The following ANKRD30A variants were observed in gnomAD, a reference collection of about 807,000 sequenced individuals.
ANKRD30A encodes the protein ankyrin repeat domain 30A.
ANKRD30A carries 170 observed loss-of-function variants against 166.3 expected under a neutral mutation model. That is an observed-to-expected ratio of 1.02 (90% CI 0.90 to 1.16). ANKRD30A has a LOEUF of 1.16. Ranked by LOEUF, ANKRD30A falls within the 50% of genes most tolerant of loss-of-function variation. The pLI, the probability that ANKRD30A is intolerant of heterozygous loss-of-function variation, is 0.00. For missense variants in ANKRD30A, 1,630 were observed against 1,518.0 expected (o/e 1.07, Z -1.23); for synonymous variants, 564 against 508.9 (o/e 1.11, Z -1.46).
chr10:37,208,027 G>GT (rs1842083453), intron 31 of ANKRD30A, among the ~76,000 whole-genome samples: 1 of 152,024 alleles, frequency 6.6e-6, no homozygotes, highest in Non-Finnish European at 1.5e-5. Flanking sequence ...GACATAGTGT[G>GT]TTTTTTGTGG....
rs1395589192 is a variant in ANKRD30A at position 37,193,076 on chromosome 10, A to G, written c.2525A>G (p.Asn842Ser). ...CCTTTTCTTTTAGAGTCTCCTGATAATGATGGTTTTCTGAAGGTAATAACT... is the reference window on the plus strand; with the variant it reads ...CCTTTTCTTTTAGAGTCTCCTGATAGTGATGGTTTTCTGAAGGTAATAACT... ...INGKLEESPDNDGFLKAPCRM... is the reference protein window; with the variant it reads ...INGKLEESPDSDGFLKAPCRM... The change falls in exon 26 of 36, where the codon AAT becomes AGT. Residue 842 changes from asparagine to serine, a missense_variant. By Grantham distance (46) the Asn-to-Ser change is conservative (BLOSUM62 1). Transcript: ENST00000361713. The G allele has an allele frequency of 2.5e-6, 4 of 1,610,056 alleles. No individual in the cohort carries two copies. The highest frequency in any genetic ancestry group is 2.2e-5 in the East Asian group (1 of 44,754).
At chr10:37,141,228 C>G (rs1399623368) in intron 6 of ANKRD30A, among the ~76,000 whole-genome samples, 1 of 151,964 alleles carries the variant, frequency 6.6e-6, no homozygotes, top group Admixed American at 6.6e-5. Context: ...TTACTGTATT[C>G]AGCATGTGTC....
intron 27 of ANKRD30A, among the ~76,000 whole-genome samples, chr10:37,194,447 T>TC (rs139922054): frequency 0.02 from 3,062 of 150,098 alleles, 95 homozygotes; most frequent in African/African-American, 0.07. Flanking sequence ...TTCACGCCAT[T>TC]CTCCTGCCTC....
chr10:37,243,920 T>C, the ANKRD30A span, among the ~76,000 whole-genome samples: 1 of 151,898 alleles, frequency 6.6e-6, no homozygotes, highest in Non-Finnish European at 1.5e-5. Flanking sequence ...AGATTGCAGA[T>C]TGTAAGGAGC....
chr10:37,125,822 T>C lies in ANKRD30A; in HGVS notation c.35T>C (p.Val12Ala), dbSNP rs1217791483. The change falls in exon 1 of 36, where the codon GTG (valine) becomes GCG (alanine). Residue 12 changes from valine (V) to alanine (A), a missense_variant. Physicochemically the swap from Val to Ala is moderately conservative, Grantham distance 64 (BLOSUM62 0). Around this residue, in one of 4 missense-constraint regions of ANKRD30A, gnomAD observed 904 missense variants for 818.5 expected, o/e 1.10. Coordinates refer to ENST00000361713, the MANE Select transcript of ANKRD30A (RefSeq NM_052997.3). The stretch of plus-strand genomic sequence containing the variant: ...ATCTCTGCCGCCGCTGTCAAGGTCG[T>C]GCCGGGCCCGGAGCGCCCGAGCCCT... ...EEISAAAVKVVPGPERPSPFS... is the reference protein window; with the variant it reads ...EEISAAAVKVAPGPERPSPFS... The C allele has an allele frequency of 2.3e-6, 2 of 866,598 alleles. No homozygotes were observed. Among genetic ancestry groups the C allele is most frequent in the Non-Finnish European group, 1.8e-6 (1 of 547,352 alleles). 53.7% of individuals were successfully genotyped at this position (866,598 alleles called of 1,614,324 possible).
intron 27 of ANKRD30A, among the ~76,000 whole-genome samples, chr10:37,196,097 T>TC (rs1554823865): frequency 7.5e-6 from 1 of 132,686 alleles, no homozygotes; most frequent in African/African-American, 2.6e-5. Flanking sequence ...TTTTCTATTT[T>TC]TTTTTTTTTT....
In ANKRD30A at chr10:37,152,087, A is replaced by T. The variant is rs753764850; in HGVS notation, c.1673A>T (p.Gln558Leu). The change falls in exon 12 of 36, where the codon CAA becomes CTA. Residue 558 changes from glutamine (Q) to leucine (L), a missense_variant. Gln to Leu is a moderately radical substitution (Grantham distance 113, BLOSUM62 -2). Around this residue, in one of 4 missense-constraint regions of ANKRD30A, gnomAD observed 904 missense variants for 818.5 expected, o/e 1.10. Coordinates refer to ENST00000361713, the MANE Select transcript of ANKRD30A (RefSeq NM_052997.3). ...ADPMFPPESK[Q>L]KDYEENSWDS... Reference sequence around the variant, plus strand: ...CCGATGTTCCCACCAGAATCCAAACAAAAGGACTATGAAGAAAATTCTTGG... The same window carrying T: ...CCGATGTTCCCACCAGAATCCAAACTAAAGGACTATGAAGAAAATTCTTGG... 1 of 1,609,734 alleles carries T rather than the reference A, an allele frequency of 6.2e-7. No individual in the cohort carries two copies. Among genetic ancestry groups the T allele is most frequent in the South Asian group, 1.1e-5 (1 of 90,366 alleles).
intron 9 of ANKRD30A, among the ~76,000 whole-genome samples, chr10:37,149,420 A>G (rs1837745074): frequency 3.3e-5 from 5 of 152,040 alleles, no homozygotes; most frequent in Admixed American, 3.3e-4. Context: ...GTGAAACACA[A>G]TCTCGCTTTG....
intron 35 of ANKRD30A, 39 bp from the exon 36 acceptor site, chr10:37,232,460 C>G (rs1843454933): frequency 6.6e-6 from 1 of 150,548 alleles, no homozygotes; most frequent in African/African-American, 2.4e-5. Context: ...TTAATAGCAA[C>G]TACAACCACA....
chr10:37,167,447 A>G (rs1455175168), intron 19 of ANKRD30A, among the ~76,000 whole-genome samples: 4 of 151,578 alleles, frequency 2.6e-5, no homozygotes, highest in African/African-American at 7.3e-5. Context: ...ATAACATGAT[A>G]CACGAAACCA....
Position 37,141,721 on chromosome 10 carries a change from G to T in ANKRD30A, c.824G>T (p.Gly275Val). 1 of 1,611,854 alleles carries T rather than the reference G, an allele frequency of 6.2e-7. No homozygotes were observed. Among genetic ancestry groups the T allele is most frequent in the Non-Finnish European group, 8.5e-7 (1 of 1,179,836 alleles). The change falls in exon 7 of 36, where the codon GGA becomes GTA. Residue 275 changes from glycine (G) to valine (V), a missense_variant. By Grantham distance (109) the Gly-to-Val change is moderately radical (BLOSUM62 -3). Around this residue, in one of 4 missense-constraint regions of ANKRD30A, gnomAD observed 904 missense variants for 818.5 expected, o/e 1.10. Transcript: ENST00000361713. ...SKNHQNTNPE[G>V]TSAGTPDEAA... ...AACCAGATTGTGTGTTTGGCAGAAG[G>T]AACATCTGCAGGAACACCTGATGAG... is the stretch of plus-strand genomic sequence containing the variant.
chr10:37,129,834 CATT>C (rs1156854430), intron 1 of ANKRD30A, 56 bp from the exon 2 acceptor site: 11 of 976,870 alleles, frequency 1.1e-5, no homozygotes, highest in Non-Finnish European at 1.5e-5. Context: ...TTACATAACT[CATT>C]GTATGTTTTG....
chr10:37,213,358 A>G (rs1235035150), intron 31 of ANKRD30A, among the ~76,000 whole-genome samples: 2 of 151,780 alleles, frequency 1.3e-5, no homozygotes, highest in Admixed American at 6.6e-5. Flanking sequence ...GGTTATTTCT[A>G]TCAGGGCATT....
chr10:37,219,108 C>T lies in ANKRD30A; in HGVS notation c.3396C>T (p.Tyr1132=), dbSNP rs879097194. ...AATACCAGGAAAAGGAAAATAAATA[C>T]TTTGAGGACATTAAGATTTTAAAAG... ...KHQYQEKENK[Y]FEDIKILKEK... The change falls in exon 34 of 36, where the codon TAC becomes TAT. Residue 1132 remains tyrosine (Y), a synonymous_variant. Transcript: ENST00000361713. 1 of 1,609,380 alleles carries T rather than the reference C, an allele frequency of 6.2e-7. No individual in the cohort carries two copies.
At chr10:37,183,796 A>G (rs1237663505) in intron 24 of ANKRD30A, among the ~76,000 whole-genome samples, 4 of 148,166 alleles carry the variant, frequency 2.7e-5, no homozygotes, top group Non-Finnish European at 4.5e-5. Context: ...TATACCTAAT[A>G]TAATTGTCAA....
rs543306014 is a variant in ANKRD30A at position 37,165,613 on chromosome 10, C to G, written c.2064+458C>G. 5.1e-3 allele frequency among the ~76,000 whole-genome samples: 768 copies of G among 151,946 alleles called. 6 individuals are homozygous for G. Among genetic ancestry groups the G allele is most frequent in the African/African-American group, 0.018 (727 of 41,416 alleles). ...CTGGGACTTGAACATATTGACATATCTTTATTGTTCAGTATAGATCTGAAG... is the reference window on the plus strand; with the variant it reads ...CTGGGACTTGAACATATTGACATATGTTTATTGTTCAGTATAGATCTGAAG... On this transcript the variant is annotated intron_variant, in intron 18 of 35. Transcript: ENST00000361713.
At chr10:37,261,764 G>C in the ANKRD30A span, 1 of 152,138 alleles carries the variant, frequency 6.6e-6, no homozygotes, top group Non-Finnish European at 1.5e-5. Flanking sequence ...GCCCCTGTGA[G>C]TTTACAGATG....
chr10:37,211,033 T>A (rs997586510), intron 31 of ANKRD30A, among the ~76,000 whole-genome samples: 3 of 152,076 alleles, frequency 2.0e-5, no homozygotes, highest in Non-Finnish European at 2.9e-5. Context: ...AGTCATGAAG[T>A]CTTTCCCATG....
chr10:37,153,714 T>C, intron 13 of ANKRD30A, 52 bp downstream of exon 13: 1 of 1,602,996 alleles, frequency 6.2e-7, no homozygotes, highest in Non-Finnish European at 8.5e-7. Context: ...TTCTCTAAAC[T>C]GATGAGGAGG....
Sources: gnomAD v4.1 joint callset for allele counts (sites outside exome capture counted in the v4.1 genomes callset) on GRCh38, gnomAD v4.1.1 for gene constraint, gnomAD v4.1.1 regional missense constraint, MANE v1.5 for transcripts, NCBI Gene and HGNC (gene_info 2026-07-23, HGNC 2026-07-21) for gene names.